FARS2: variants seen among roughly 807,000 people sequenced by gnomAD.
FARS2 encodes phenylalanyl-tRNA synthetase 2, mitochondrial.
FARS2 carries 40 observed loss-of-function variants against 46.4 expected under a neutral mutation model. The observed-to-expected ratio is 0.86, with a 90% confidence interval of 0.67 to 1.12. FARS2 has a LOEUF of 1.12. Among genes scored for constraint, FARS2 ranks in the 50% most tolerant of loss-of-function variants. The pLI, the probability that FARS2 is intolerant of heterozygous loss-of-function variation, is 0.00. For missense variants in FARS2, 513 were observed against 567.9 expected, an observed-to-expected ratio of 0.90 and a Z score of 0.98; for synonymous variants, 234 against 214.9, an observed-to-expected ratio of 1.09 and a Z score of -0.78.
chr6:5,729,003 C>G lies in FARS2; in HGVS notation c.1218-42288C>G, dbSNP rs574285739. On this transcript the variant is annotated intron_variant, in intron 6 of 6. Transcript: ENST00000274680. The stretch of plus-strand genomic sequence containing the variant: ...TGACAGTGGCCTGTTCTGAAGCCTG[C>G]TAGGACGCCCGCTACCTGGGAAGCT... Among the ~76,000 whole-genome samples the G allele has an allele frequency of 1.2e-4, 18 of 152,280 alleles. 1 individual carries two copies. The highest frequency in any genetic ancestry group is 3.6e-4 in the African/African-American group (15 of 41,582).
At chr6:5,743,053 GC>G (rs1365793588) in intron 6 of FARS2, among the ~76,000 whole-genome samples, 2 of 152,002 alleles carry the variant, frequency 1.3e-5, no homozygotes, top group Non-Finnish European at 2.9e-5. Flanking sequence ...GGATATATGG[GC>G]CCCAAAAATC....
intron 4 of FARS2, among the ~76,000 whole-genome samples, chr6:5,513,887 G>GA (rs1275983436): frequency 1.3e-5 from 2 of 150,820 alleles, no homozygotes; most frequent in Non-Finnish European, 3.0e-5. Flanking sequence ...AAGAGTTCAA[G>GA]AAAAAATGAC....
intron 6 of FARS2, among the ~76,000 whole-genome samples, chr6:5,711,967 A>G (rs1759200729): frequency 6.6e-6 from 1 of 152,148 alleles, no homozygotes; most frequent in Non-Finnish European, 1.5e-5. Flanking sequence ...AAATATGGGG[A>G]CTCTGCAGTA....
chr6:5,725,492 C>G (rs773207297), intron 6 of FARS2, among the ~76,000 whole-genome samples: 2 of 152,260 alleles, frequency 1.3e-5, no homozygotes, highest in Non-Finnish European at 2.9e-5. Flanking sequence ...GTCCTGGCCA[C>G]TGGCAGTGGG....
chr6:5,580,650 T>G (rs538365561), intron 5 of FARS2, among the ~76,000 whole-genome samples: 4 of 152,266 alleles, frequency 2.6e-5, no homozygotes, highest in Non-Finnish European at 4.4e-5. Flanking sequence ...AGAACTTGCC[T>G]GAGAGATGAC....
chr6:5,568,809 G>C (rs552662134), intron 5 of FARS2, among the ~76,000 whole-genome samples: 1 of 152,330 alleles, frequency 6.6e-6, no homozygotes, highest in Non-Finnish European at 1.5e-5. Context: ...AGGATAGATT[G>C]GGGCCATGAG....
intron 6 of FARS2, among the ~76,000 whole-genome samples, chr6:5,650,050 A>G (rs895887776): frequency 3.9e-5 from 6 of 152,104 alleles, no homozygotes; most frequent in African/African-American, 1.4e-4. Context: ...TGCCGGACCC[A>G]TTTTCTTTCC....
chr6:5,416,861 C>T (rs554805477), intron 3 of FARS2, among the ~76,000 whole-genome samples: 2 of 152,320 alleles, frequency 1.3e-5, no homozygotes, highest in South Asian at 4.1e-4. Flanking sequence ...TTCTGTATAG[C>T]GTAAGAACAG....
intron 6 of FARS2, among the ~76,000 whole-genome samples, chr6:5,685,365 ATGGCTGGCTTCAGAACTGCCCTGT>A (rs1190781612): frequency 5.9e-5 from 9 of 152,176 alleles, no homozygotes; most frequent in African/African-American, 1.9e-4. Context: ...GGGAGATCCA[ATGGCTGGCTTCAGAACTGCCCTGT>A]CCAGTCCTTC....
intron 6 of FARS2, among the ~76,000 whole-genome samples, chr6:5,710,552 G>A (rs1349513811): frequency 6.6e-6 from 1 of 152,068 alleles, no homozygotes; most frequent in Admixed American, 6.5e-5. Flanking sequence ...GGCTTCCCCC[G>A]CTCACTTCCC....
intron 4 of FARS2, among the ~76,000 whole-genome samples, chr6:5,461,597 G>A (rs940970388): frequency 1.3e-4 from 20 of 152,186 alleles, no homozygotes; most frequent in Non-Finnish European, 2.8e-4. Flanking sequence ...TCTCACTGCT[G>A]TTGCCCAGAC....
chr6:5,513,780 TCA>T (rs1322448433), intron 4 of FARS2, among the ~76,000 whole-genome samples: 1 of 152,204 alleles, frequency 6.6e-6, no homozygotes, highest in Non-Finnish European at 1.5e-5. Flanking sequence ...TGCTGAGTTC[TCA>T]GAGTTTATTG....
chr6:5,693,879 G>A (rs1400396823), intron 6 of FARS2, among the ~76,000 whole-genome samples: 1 of 152,230 alleles, frequency 6.6e-6, no homozygotes, highest in Non-Finnish European at 1.5e-5. Flanking sequence ...GGTAGCAAGT[G>A]TGCAAGTCAG....
intron 2 of FARS2, among the ~76,000 whole-genome samples, chr6:5,396,525 T>C (rs1307487391): frequency 6.6e-6 from 1 of 152,178 alleles, no homozygotes; most frequent in Non-Finnish European, 1.5e-5. Flanking sequence ...CTGAAAGCAG[T>C]TTATGAAATC....
chr6:5,339,037 A>G (rs2127589081), intron 1 of FARS2, among the ~76,000 whole-genome samples: 1 of 152,206 alleles, frequency 6.6e-6, no homozygotes, highest in East Asian at 1.9e-4. Context: ...ATATTTTTAT[A>G]TGGCTTTTTC....
chr6:5,462,562 G>A (rs9502304), intron 4 of FARS2, among the ~76,000 whole-genome samples: 4,542 of 152,180 alleles, frequency 0.03, 137 homozygotes, highest in East Asian at 0.094. Context: ...AATTTTGTGT[G>A]TGACATAAGG....
chr6:5,599,075 A>G (rs774348220), intron 5 of FARS2, among the ~76,000 whole-genome samples: 6 of 152,152 alleles, frequency 3.9e-5, no homozygotes, highest in Non-Finnish European at 7.3e-5. Flanking sequence ...AGAGACTGAG[A>G]TGATGTGAAA....
intron 6 of FARS2, among the ~76,000 whole-genome samples, chr6:5,720,478 A>G (rs2150919859): frequency 6.6e-6 from 1 of 152,336 alleles, no homozygotes; most frequent in African/African-American, 2.4e-5. Flanking sequence ...GAAGCTTCAG[A>G]AGGCAGACAA....
At chr6:5,550,427 G>A (rs1350152395) in intron 5 of FARS2, among the ~76,000 whole-genome samples, 2 of 152,100 alleles carry the variant, frequency 1.3e-5, no homozygotes, top group Non-Finnish European at 2.9e-5. Flanking sequence ...ACCACGCCCA[G>A]CCAATTTTTT....
Sources: allele counts gnomAD v4.1 joint callset (sites outside exome capture counted in the v4.1 genomes callset), GRCh38; gene constraint gnomAD v4.1.1; transcripts MANE v1.5; gene names NCBI Gene and HGNC (gene_info 2026-07-23, HGNC 2026-07-21).